Variants in PPP6R2 observed in about 807,000 individuals in gnomAD.
The protein encoded by PPP6R2 is serine/threonine-protein phosphatase 6 regulatory subunit 2.
PPP6R2 carries 62 observed loss-of-function variants against 100.2 expected under a neutral mutation model. That is an observed-to-expected ratio of 0.62 (90% CI 0.50 to 0.76). PPP6R2 has a LOEUF of 0.76. Ranked by LOEUF, PPP6R2 falls within the 30% of genes least tolerant of loss-of-function variation. The pLI, the probability that PPP6R2 is intolerant of heterozygous loss-of-function variation, is 0.00. For synonymous variants in PPP6R2, 525 were observed against 514.7 expected (o/e 1.02, Z -0.27); for missense variants, 1,142 against 1,276.3 (o/e 0.89, Z 1.60).
intron 1 of PPP6R2, among the ~76,000 whole-genome samples, chr22:50,348,547 G>A (rs74667571): frequency 0.086 from 13,162 of 152,164 alleles, 806 homozygotes; most frequent in East Asian, 0.2. Flanking sequence ...TATTGAAATA[G>A]GGAAGCTGAA....
In PPP6R2 at chr22:50,423,724, C is replaced by T. The variant is rs1166048339; in HGVS notation, c.1125+110C>T. 2.9e-6 allele frequency: 4 copies of T among 1,379,714 alleles called. No individual in the cohort carries two copies. The East Asian group carries it at 1.0e-4, about 35-fold the overall frequency. The allele number at this position is 1,379,714 out of a possible 1,614,324, so 85.5% of individuals were successfully genotyped here. On this transcript the variant is annotated intron_variant, in intron 10 of 23. Coordinates refer to ENST00000612753, the MANE Select transcript of PPP6R2 (RefSeq NM_001242898.2). This position sits in a 1 kb window ranked among gnomAD's most constrained non-coding sequence, Gnocchi z 4.8. ...CCCCAGCATTTGGACAAAGCTCTGC[C>T]ACGGGGAGGTTCCAGTCCCAAGTCC...
At chr22:50,437,657 G>T in intron 16 of PPP6R2, 54 bp downstream of exon 16, 1 of 1,471,080 alleles carries the variant, frequency 6.8e-7, no homozygotes, top group East Asian at 2.3e-5. Context: ...CTGCTGCTGA[G>T]CTCCCGTGGA....
intron 3 of PPP6R2, among the ~76,000 whole-genome samples, chr22:50,399,219 G>C (rs2057629831): frequency 6.6e-6 from 1 of 152,200 alleles, no homozygotes; most frequent in Non-Finnish European, 1.5e-5. Context: ...AAAAAAGATG[G>C]AGAAGATATA....
intron 1 of PPP6R2, among the ~76,000 whole-genome samples, chr22:50,366,345 C>T (rs188710755): frequency 1.4e-5 from 2 of 147,668 alleles, no homozygotes; most frequent in Admixed American, 6.8e-5. Context: ...GAGTCTCGCT[C>T]TGTCACCTAG....
In PPP6R2 at chr22:50,421,086, TTCTC is replaced by T. The variant is rs138807034; in HGVS notation, c.846-1150_846-1147del. 1.1e-4 allele frequency among the ~76,000 whole-genome samples: 16 copies of T among 149,556 alleles called. No individual in the cohort carries two copies. In the East Asian group the frequency reaches 1.8e-3, roughly 16 times the overall value. On this transcript the variant is annotated intron_variant, in intron 8 of 23. Coordinates refer to ENST00000612753, the MANE Select transcript of PPP6R2 (RefSeq NM_001242898.2). ...GATAGTGAGGTTGTTAGGACTCTCTTTCTCTCTCTCTCTCTCTCTCTGTCTGTCT... is the reference window on the plus strand; with the variant it reads ...GATAGTGAGGTTGTTAGGACTCTCTTTCTCTCTCTCTCTCTCTGTCTGTCT...
chr22:50,363,119 C>G (rs1247714124), intron 1 of PPP6R2, among the ~76,000 whole-genome samples: 2 of 152,176 alleles, frequency 1.3e-5, no homozygotes, highest in Non-Finnish European at 2.9e-5. Context: ...GGATTTTTGT[C>G]ACTTCTTGTA....
At position 50,419,410 on chromosome 22, in the gene PPP6R2, C is replaced by G; in HGVS notation, c.793C>G (p.Leu265Val). The G allele has an allele frequency of 6.2e-7, 1 of 1,614,194 alleles. No homozygotes were observed. Among genetic ancestry groups the G allele is most frequent in the Non-Finnish European group, 8.5e-7 (1 of 1,180,028 alleles). The change falls in exon 8 of 24, where the codon CTC becomes GTC. Residue 265 changes from leucine (L) to valine (V), a missense_variant. This residue lies in a region of PPP6R2 where 592 missense variants were observed against 758.9 expected (regional missense o/e 0.78). Transcript: ENST00000612753. The part of the protein sequence containing the change: ...MFDGDRTESC[L>V]VSGTQVLLTL... ...TGATGGAGACCGGACGGAGAGCTGC[C>G]TCGTCAGTGGGACTCAGGTGTTACT...
chr22:50,372,775 A>C, intron 2 of PPP6R2, among the ~76,000 whole-genome samples: 1 of 144,876 alleles, frequency 6.9e-6, no homozygotes, highest in Admixed American at 6.9e-5. Flanking sequence ...TGCAACCTCC[A>C]CCTCCCGGGA....
intron 3 of PPP6R2, 99 bp from the exon 4 acceptor site, chr22:50,406,590 C>A (rs897597979): frequency 1.8e-6 from 2 of 1,095,662 alleles, no homozygotes; most frequent in South Asian, 1.4e-5. Context: ...TTTGTTTGAT[C>A]ACGTGGGTCT....
At chr22:50,407,270 C>T (rs954825845) in intron 4 of PPP6R2, among the ~76,000 whole-genome samples, 40 of 129,282 alleles carry the variant, frequency 3.1e-4, no homozygotes, top group Middle Eastern at 6.8e-3. Flanking sequence ...TCGCTTGAAC[C>T]TGGGAGGCAG....
At chr22:50,403,029 A>G (rs1403236597) in intron 3 of PPP6R2, among the ~76,000 whole-genome samples, 1 of 152,140 alleles carries the variant, frequency 6.6e-6, no homozygotes, top group Non-Finnish European at 1.5e-5. Context: ...CCTGGCCATC[A>G]TGGTAAAACC....
At chr22:50,348,033 C>T (rs1435445160) in intron 1 of PPP6R2, among the ~76,000 whole-genome samples, 2 of 152,064 alleles carry the variant, frequency 1.3e-5, no homozygotes, top group Non-Finnish European at 2.9e-5. Context: ...ACAGAGTCTC[C>T]CATGCTGAGA....
At chr22:50,352,484 C>T (rs28858534) in intron 1 of PPP6R2, among the ~76,000 whole-genome samples, 141 of 152,162 alleles carry the variant, frequency 9.3e-4, no homozygotes, top group African/African-American at 3.2e-3. Context: ...AATCCCAGCA[C>T]TTTGTGAGGC....
intron 9 of PPP6R2, among the ~76,000 whole-genome samples, chr22:50,422,839 C>T (rs889869612): frequency 6.6e-6 from 1 of 152,202 alleles, no homozygotes; most frequent in Admixed American, 6.5e-5. Flanking sequence ...CTGCATAGCA[C>T]CCTCCTGACC....
rs373803470 is a variant in PPP6R2 at position 50,389,274 on chromosome 22, C to T, written c.-16-4619C>T. On this transcript the variant is annotated intron_variant, in intron 2 of 23. Transcript: ENST00000612753. ...GCCAGGCCATGACCACTTGTTTGTT[C>T]TGAAGATGCTGCCAGTGCTGACCTT... Among the ~76,000 whole-genome samples, 5 of 152,152 alleles carry T rather than the reference C, an allele frequency of 3.3e-5. No individual in the cohort carries two copies. In the East Asian group the frequency reaches 7.7e-4, roughly 23 times the overall value.
intron 1 of PPP6R2, among the ~76,000 whole-genome samples, chr22:50,369,396 T>C (rs981785555): frequency 1.3e-5 from 2 of 152,146 alleles, no homozygotes; most frequent in African/African-American, 4.8e-5. Context: ...AACACTGACT[T>C]ATCCCTGGGC....
chr22:50,380,799 C>G (rs974609708), intron 2 of PPP6R2, among the ~76,000 whole-genome samples: 1 of 150,820 alleles, frequency 6.6e-6, no homozygotes. Context: ...ACCATCCTGG[C>G]TAACACAGTG....
chr22:50,331,750 G>A, the PPP6R2 span, among the ~76,000 whole-genome samples: 2 of 152,058 alleles, frequency 1.3e-5, no homozygotes, highest in Admixed American at 6.6e-5. Flanking sequence ...AGCCTCCCGA[G>A]TAGCTGGGAT....
chr22:50,364,019 C>T (rs535086840), intron 1 of PPP6R2, among the ~76,000 whole-genome samples: 54 of 152,028 alleles, frequency 3.6e-4, no homozygotes, highest in Admixed American at 1.3e-3. Flanking sequence ...CTAAGCCTCC[C>T]GAGTAGCTGG....
Sources: allele counts gnomAD v4.1 joint callset (sites outside exome capture counted in the v4.1 genomes callset), GRCh38; gene constraint gnomAD v4.1.1; regional missense constraint gnomAD v4.1.1; non-coding constraint Gnocchi (gnomAD v3.1); transcripts MANE v1.5; gene names NCBI Gene and HGNC (gene_info 2026-07-23, HGNC 2026-07-21).